NLGN4X: variants seen among roughly 807,000 people sequenced by gnomAD.
NLGN4X encodes neuroligin-4, X-linked.
In NLGN4X, 3 loss-of-function variants were observed where a neutral mutation model predicts 40.3. That is an observed-to-expected ratio of 0.07 (90% CI 0.03 to 0.19). The LOEUF (loss-of-function observed/expected upper bound fraction) is 0.19. Among genes scored for constraint, NLGN4X ranks in the 10% least tolerant of loss-of-function variants. The pLI, the probability that NLGN4X is intolerant of heterozygous loss-of-function variation, is 1.00. For missense variants in NLGN4X, 382 were observed against 708.3 expected (o/e 0.54, Z 5.23); for synonymous variants, 270 against 306.8 (o/e 0.88, Z 1.25).
intron 3 of NLGN4X, among the ~76,000 whole-genome samples, chrX:5,973,739 C>T (rs762360390): frequency 1.8e-5 from 2 of 110,810 alleles, no homozygotes; most frequent in South Asian, 7.9e-4. Context: ...AGGGGAATGG[C>T]GTGAACCCGG....
intron 3 of NLGN4X, among the ~76,000 whole-genome samples, chrX:5,921,256 T>C (rs1027060251): frequency 2.8e-5 from 3 of 106,916 alleles, no homozygotes; most frequent in Non-Finnish European, 3.8e-5. Flanking sequence ...TAGCCAAATT[T>C]GACAGACAAG....
intron 5 of NLGN4X, among the ~76,000 whole-genome samples, chrX:5,900,376 C>T (rs367695852): frequency 1.8e-5 from 2 of 109,561 alleles, no homozygotes; most frequent in African/African-American, 3.3e-5. Context: ...GGATGGTGCA[C>T]CTGCAAGGTA....
chrX:6,121,270 CTGTT>C (rs770687741), intron 2 of NLGN4X, among the ~76,000 whole-genome samples: 3 of 111,009 alleles, frequency 2.7e-5, no homozygotes, highest in Admixed American at 9.6e-5. Flanking sequence ...AAAATTATCT[CTGTT>C]TGAATTACCC....
intron 2 of NLGN4X, among the ~76,000 whole-genome samples, chrX:6,050,665 C>A (rs1207401045): frequency 9.0e-6 from 1 of 111,274 alleles, no homozygotes; most frequent in Non-Finnish European, 1.9e-5. Flanking sequence ...TATCATCTAT[C>A]CACCTATTCA....
At chrX:5,924,887 C>T (rs1281551463) in intron 3 of NLGN4X, among the ~76,000 whole-genome samples, 3 of 110,541 alleles carry the variant, frequency 2.7e-5, no homozygotes, top group African/African-American at 9.9e-5. Flanking sequence ...GGATAAAATA[C>T]TACAAATTGG....
intron 2 of NLGN4X, chrX:6,032,812 C>G: frequency 1.4e-6 from 1 of 730,588 alleles, no homozygotes. Flanking sequence ...AACAGGTTTT[C>G]AAAAAATTCA....
chrX:5,950,130 GAGTA>G (rs1287351623), intron 3 of NLGN4X, among the ~76,000 whole-genome samples: 1 of 111,584 alleles, frequency 9.0e-6, no homozygotes, highest in African/African-American at 3.3e-5. Flanking sequence ...AGTTGCCCAG[GAGTA>G]AGTGAGAGAC....
intron 2 of NLGN4X, among the ~76,000 whole-genome samples, chrX:6,121,333 C>A (rs1335515373): frequency 9.0e-6 from 1 of 111,355 alleles, no homozygotes; most frequent in Non-Finnish European, 1.9e-5. Context: ...AAAAAGCGTT[C>A]TAGGTTCAAC....
At chrX:6,174,759 C>T (rs78008057) in intron 1 of NLGN4X, among the ~76,000 whole-genome samples, 6 of 111,262 alleles carry the variant, frequency 5.4e-5, no homozygotes, top group African/African-American at 2.0e-4. Context: ...GAAATAAAGA[C>T]GGGAGCAATA....
intron 1 of NLGN4X, among the ~76,000 whole-genome samples, chrX:6,162,279 A>AT (rs2040416419): frequency 8.9e-6 from 1 of 112,019 alleles, no homozygotes; most frequent in Admixed American, 9.5e-5. Context: ...CACCATTGTG[A>AT]TGGTTAATGC....
intron 3 of NLGN4X, among the ~76,000 whole-genome samples, chrX:5,975,736 C>T (rs1188392037): frequency 9.2e-6 from 1 of 108,858 alleles, no homozygotes; most frequent in Non-Finnish European, 1.9e-5. Flanking sequence ...TACTAGGGTA[C>T]TGAATAAACC....
intron 3 of NLGN4X, among the ~76,000 whole-genome samples, chrX:6,012,374 G>C (rs2036277091): frequency 8.9e-6 from 1 of 112,052 alleles, no homozygotes; most frequent in African/African-American, 3.2e-5. Context: ...GAGGATGCAA[G>C]AAGGAGATGA....
intron 3 of NLGN4X, among the ~76,000 whole-genome samples, chrX:6,027,252 T>C (rs1221455325): frequency 2.7e-5 from 3 of 112,320 alleles, no homozygotes; most frequent in Non-Finnish European, 3.7e-5. Context: ...CACAATTTCC[T>C]GTTTCCAACA....
At position 6,213,773 on chromosome X, in the gene NLGN4X, A is replaced by G. The variant is rs144241243; in HGVS notation, c.-306+14768T>C. ...ACAATTCTGCTGGCTTCCACTCCTG[A>G]AACTTTCCACCAAATGGAATAATCA... On this transcript the variant is annotated intron_variant, in intron 1 of 5. Transcript: ENST00000381095. Among the ~76,000 whole-genome samples the G allele has an allele frequency of 3.4e-3, 387 of 112,250 alleles. 1 individual carries two copies. The highest frequency in any genetic ancestry group is 0.011 in the African/African-American group (352 of 30,931).
chrX:6,034,459 A>AT (rs2036950173), intron 2 of NLGN4X, among the ~76,000 whole-genome samples: 1 of 111,935 alleles, frequency 8.9e-6, no homozygotes, highest in Admixed American at 9.5e-5. Context: ...TTTGTGTACT[A>AT]TTTTTTGCAT....
At chrX:6,193,042 A>AG (rs910647770) in intron 1 of NLGN4X, among the ~76,000 whole-genome samples, 9 of 111,672 alleles carry the variant, frequency 8.1e-5, no homozygotes, top group African/African-American at 2.3e-4. Flanking sequence ...AGTCCAGAAC[A>AG]CAGTCATTGA....
At chrX:5,929,382 A>G (rs2033455625) in intron 3 of NLGN4X, among the ~76,000 whole-genome samples, 1 of 111,440 alleles carries the variant, frequency 9.0e-6, no homozygotes, top group South Asian at 3.8e-4. Context: ...CAGGAGAATC[A>G]CTTGAACCCA....
intron 1 of NLGN4X, among the ~76,000 whole-genome samples, chrX:6,190,812 G>A (rs746375158): frequency 3.7e-4 from 41 of 111,337 alleles, no homozygotes; most frequent in Non-Finnish European, 6.4e-4. Flanking sequence ...GGCCCAAGAT[G>A]GACTTTTTGA....
At chrX:6,142,884 A>T in intron 2 of NLGN4X, among the ~76,000 whole-genome samples, 1 of 112,014 alleles carries the variant, frequency 8.9e-6, no homozygotes, top group Non-Finnish European at 1.9e-5. Flanking sequence ...GGCTCTTTTT[A>T]AAAATGTTAT....
Sources: allele counts gnomAD v4.1 joint callset (sites outside exome capture counted in the v4.1 genomes callset), GRCh38; gene constraint gnomAD v4.1.1; transcripts MANE v1.5; gene names NCBI Gene and HGNC (gene_info 2026-07-23, HGNC 2026-07-21).